The following ARHGAP8 variants were observed in gnomAD, a reference collection of about 807,000 sequenced individuals.
The protein encoded by ARHGAP8 is rho GTPase-activating protein 8.
ARHGAP8 carries 62 observed loss-of-function variants against 46.1 expected under a neutral mutation model. The observed-to-expected ratio is 1.34, with a 90% confidence interval of 1.10 to 1.66. The LOEUF (loss-of-function observed/expected upper bound fraction) is 1.66. Ranked by LOEUF, ARHGAP8 falls within the 40% of genes most tolerant of loss-of-function variation. ARHGAP8 has a pLI of 0.00. For synonymous variants in ARHGAP8, 375 were observed against 243.1 expected (o/e 1.54, Z -5.05); for missense variants, 923 against 568.4 (o/e 1.62, Z -6.34).
chr22:44,851,096 C>G (rs1033935314), intron 10 of ARHGAP8: 3 of 152,152 alleles, frequency 2.0e-5, no homozygotes, highest in African/African-American at 7.2e-5. Context: ...CAAAGTGCTA[C>G]CTCTGCCTCC....
intron 1 of ARHGAP8, among the ~76,000 whole-genome samples, chr22:44,782,291 C>T (rs113019503): frequency 0.015 from 2,252 of 152,198 alleles, 62 homozygotes; most frequent in African/African-American, 0.051. Flanking sequence ...GAGCCAAGAT[C>T]GCACCAGTGC....
At chr22:44,829,840 A>G (rs1276627207) in intron 7 of ARHGAP8, among the ~76,000 whole-genome samples, 1 of 152,178 alleles carries the variant, frequency 6.6e-6, no homozygotes, top group Non-Finnish European at 1.5e-5. Flanking sequence ...TGAAGTTAAT[A>G]TATTAAAGGG....
At chr22:44,762,212 A>C (rs1021361752) in intron 1 of ARHGAP8, among the ~76,000 whole-genome samples, 1 of 152,176 alleles carries the variant, frequency 6.6e-6, no homozygotes, top group African/African-American at 2.4e-5. Context: ...CTGAGATGGG[A>C]GGATCACTTG....
intron 4 of ARHGAP8, 96 bp from the exon 5 acceptor site, chr22:44,814,576 G>C: frequency 9.9e-7 from 1 of 1,007,544 alleles, no homozygotes. Flanking sequence ...GTAACATTCT[G>C]AGACTCACAG....
At chr22:44,798,526 T>TG (rs1244697000) in intron 2 of ARHGAP8, among the ~76,000 whole-genome samples, 2 of 95,936 alleles carry the variant, frequency 2.1e-5, no homozygotes, top group Non-Finnish European at 4.1e-5. Flanking sequence ...CAGGGGGACT[T>TG]GCGTTTTTTT....
rs1237141126 is a variant in ARHGAP8 at position 44,752,632 on chromosome 22, G to T, written c.-72+5G>T. On this transcript the variant is annotated splice_donor_5th_base_variant and intron_variant, in intron 1 of 11. Transcript: ENST00000356099. ...GCCGGCGGGGTCCGTGGCCAGGTAA[G>T]GCGGGCGGCGGCGGGAGGGAGCGCG... is the stretch of plus-strand genomic sequence containing the variant. The T allele has an allele frequency of 6.6e-6, 1 of 151,926 alleles. No homozygotes were observed. Among genetic ancestry groups the T allele is most frequent in the Admixed American group, 6.6e-5 (1 of 15,238 alleles). The allele number at this position is 151,926 out of a possible 1,614,324, so 9.4% of individuals were successfully genotyped here. A position where few individuals can be genotyped will look rare whatever the true frequency, so the allele number is the denominator to read the frequency against.
intron 5 of ARHGAP8, 96 bp downstream of exon 5, chr22:44,814,854 C>T: frequency 7.1e-7 from 1 of 1,418,244 alleles, no homozygotes; most frequent in Non-Finnish European, 9.7e-7. Context: ...TCATGGAGGG[C>T]CCGTCTCCAG....
chr22:44,779,430 G>A lies in ARHGAP8; in HGVS notation c.-71-7027G>A, dbSNP rs151046071. Among the ~76,000 whole-genome samples, 908 of 152,128 alleles carry A rather than the reference G, an allele frequency of 6.0e-3. 3 individuals are homozygous for A. Among genetic ancestry groups the A allele is most frequent in the South Asian group, 0.011 (52 of 4,802 alleles). On this transcript the variant is annotated intron_variant, in intron 1 of 11. Coordinates refer to ENST00000356099, the MANE Select transcript of ARHGAP8 (RefSeq NM_181335.3). ...TCTGACTTTTTGTTCAACATATTGC[G>A]AGACCACTCACGTCGGTACGCGTGG...
At chr22:44,779,159 G>T (rs1926644559) in intron 1 of ARHGAP8, among the ~76,000 whole-genome samples, 2 of 149,390 alleles carry the variant, frequency 1.3e-5, no homozygotes, top group African/African-American at 4.9e-5. Flanking sequence ...GAGTGCAGTG[G>T]CGCGATCTTG....
Position 44,829,297 on chromosome 22 carries a change from GAAAAAA to G in ARHGAP8, c.596+3711_596+3716del, listed in dbSNP as rs71188490. Reference sequence around the variant, plus strand: ...CAGAGCGAGACTCCCTCTCAAAAAAGAAAAAAAAAAAAGAAAAAGAAAAAACAAGCA... The same window carrying G: ...CAGAGCGAGACTCCCTCTCAAAAAAGAAAAAAGAAAAAGAAAAAACAAGCA... On this transcript the variant is annotated intron_variant, in intron 7 of 11. Coordinates refer to ENST00000356099, the MANE Select transcript of ARHGAP8 (RefSeq NM_181335.3). 4.4e-4 allele frequency among the ~76,000 whole-genome samples: 59 copies of G among 133,382 alleles called. 1 individual carries two copies. The highest frequency in any genetic ancestry group is 1.3e-3 in the African/African-American group (49 of 37,070). The allele number at this position is 133,382 out of a possible 152,430, so 87.5% of individuals were successfully genotyped here.
At chr22:44,858,467 A>C (rs2070307107) in intron 10 of ARHGAP8, among the ~76,000 whole-genome samples, 1 of 148,280 alleles carries the variant, frequency 6.7e-6, no homozygotes, top group Non-Finnish European at 1.5e-5. Flanking sequence ...TTCTGAGTTC[A>C]AGCAATTCTC....
chr22:44,853,547 C>G (rs1190303693), intron 10 of ARHGAP8, among the ~76,000 whole-genome samples: 2 of 152,322 alleles, frequency 1.3e-5, no homozygotes, highest in African/African-American at 2.4e-5. Flanking sequence ...CGTTGCTTCT[C>G]TCTTGATTCT....
At chr22:44,847,428 A>G (rs1427503520) in intron 8 of ARHGAP8, among the ~76,000 whole-genome samples, 1 of 152,262 alleles carries the variant, frequency 6.6e-6, no homozygotes, top group Non-Finnish European at 1.5e-5. Flanking sequence ...CAGTAGCTCA[A>G]TAGGGCAGTT....
chr22:44,814,627 C>T (rs1929600855), intron 4 of ARHGAP8, 45 bp from the exon 5 acceptor site: 1 of 1,581,926 alleles, frequency 6.3e-7, no homozygotes, highest in Non-Finnish European at 8.6e-7. Flanking sequence ...TGGGGTGTTT[C>T]TCGGAGCGCG....
At chr22:44,841,590 A>T (rs1005499696) in intron 7 of ARHGAP8, among the ~76,000 whole-genome samples, 1 of 152,210 alleles carries the variant, frequency 6.6e-6, no homozygotes, top group African/African-American at 2.4e-5. Flanking sequence ...GCTTTTGCTA[A>T]TTATGCTGCA....
At chr22:44,804,773 G>T (rs1928818163) in intron 3 of ARHGAP8, among the ~76,000 whole-genome samples, 1 of 152,122 alleles carries the variant, frequency 6.6e-6, no homozygotes, top group Non-Finnish European at 1.5e-5. Flanking sequence ...CTTTGGGCTG[G>T]TTGCTTCATG....
At chr22:44,822,767 C>T (rs1184340155) in intron 6 of ARHGAP8, among the ~76,000 whole-genome samples, 2 of 152,162 alleles carry the variant, frequency 1.3e-5, no homozygotes, top group Non-Finnish European at 2.9e-5. Flanking sequence ...TGGTGTTTAC[C>T]GTTTTTGCTT....
At chr22:44,818,749 T>A (rs1801006014) in intron 5 of ARHGAP8, among the ~76,000 whole-genome samples, 1 of 152,098 alleles carries the variant, frequency 6.6e-6, no homozygotes, top group South Asian at 2.1e-4. Context: ...CCGGCTGGAG[T>A]GCAGTGGTGC....
At chr22:44,832,182 A>G (rs1466664818) in intron 7 of ARHGAP8, among the ~76,000 whole-genome samples, 20 of 142,684 alleles carry the variant, frequency 1.4e-4, no homozygotes, top group Non-Finnish European at 3.1e-4. Flanking sequence ...CTTTTTTGTT[A>G]AATTTTTTTT....
Sources: gnomAD v4.1 joint callset for allele counts (sites outside exome capture counted in the v4.1 genomes callset) on GRCh38, gnomAD v4.1.1 for gene constraint, MANE v1.5 for transcripts, NCBI Gene and HGNC (gene_info 2026-07-23, HGNC 2026-07-21) for gene names.